ESRRB: variants seen among roughly 807,000 people sequenced by gnomAD.
ESRRB encodes steroid hormone receptor ERR2.
ESRRB carries 16 observed loss-of-function variants against 46.0 expected under a neutral mutation model. That is an observed-to-expected ratio of 0.35 (90% CI 0.24 to 0.53). ESRRB has a LOEUF of 0.53. ESRRB is among the 20% of genes least tolerant of loss of function. The probability of loss-of-function intolerance (pLI) is 0.93; values close to 1 mark genes in which losing one functional copy is unlikely to be tolerated. For synonymous variants in ESRRB, 246 were observed against 259.6 expected (o/e 0.95, Z 0.50); for missense variants, 488 against 607.4 (o/e 0.80, Z 2.07).
At chr14:76,351,871 G>A (rs909050406) in intron 1 of ESRRB, among the ~76,000 whole-genome samples, 3 of 151,712 alleles carry the variant, frequency 2.0e-5, no homozygotes, top group Non-Finnish European at 4.4e-5. Context: ...TGTAGTCACA[G>A]CTACTTGGGT....
chr14:76,422,815 G>A (rs984265286), intron 1 of ESRRB, among the ~76,000 whole-genome samples: 3 of 152,174 alleles, frequency 2.0e-5, no homozygotes, highest in Non-Finnish European at 2.9e-5. Context: ...CGACACAGGC[G>A]AGCTGGGCCC....
At chr14:76,494,342 T>A (rs898067108) in intron 6 of ESRRB, among the ~76,000 whole-genome samples, 1 of 151,310 alleles carries the variant, frequency 6.6e-6, no homozygotes, top group Non-Finnish European at 1.5e-5. Context: ...ATTTTGCTCT[T>A]GTTGCCCAGG....
rs1307579651 is a variant in ESRRB, at chr14:76,376,933, C to G, written c.50+482C>G. Among the ~76,000 whole-genome samples, 1 of 152,174 alleles carries G rather than the reference C, an allele frequency of 6.6e-6. No individual in the cohort carries two copies. Among genetic ancestry groups the G allele is most frequent in the Admixed American group, 6.5e-5 (1 of 15,276 alleles). Reference sequence around the variant, plus strand: ...GCAAGAGAGAGAAAATCGAACGTGCCGCGGCGGTTTGGAAACTGCAGGCGG... The same window carrying G: ...GCAAGAGAGAGAAAATCGAACGTGCGGCGGCGGTTTGGAAACTGCAGGCGG... On this transcript the variant is annotated intron_variant, in intron 1 of 6. Coordinates refer to ENST00000644823, the MANE Select transcript of ESRRB (RefSeq NM_001379180.1). The surrounding 1 kb of genome is among the most constrained non-coding windows in gnomAD (Gnocchi z 4.1).
intron 1 of ESRRB, among the ~76,000 whole-genome samples, chr14:76,405,249 A>G (rs1265459391): frequency 6.6e-6 from 1 of 151,970 alleles, no homozygotes; most frequent in African/African-American, 2.4e-5. Context: ...CTACAGGCAC[A>G]CACCACTGCA....
At chr14:76,479,255 G>A (rs1326924543) in intron 3 of ESRRB, among the ~76,000 whole-genome samples, 2 of 152,172 alleles carry the variant, frequency 1.3e-5, no homozygotes, top group African/African-American at 4.8e-5. Context: ...GCGTGCGTGT[G>A]TGTGTGTGTG....
chr14:76,481,865 A>C, intron 3 of ESRRB, 151 bp from the exon 4 acceptor site: 2 of 738,134 alleles, frequency 2.7e-6, no homozygotes, highest in Non-Finnish European at 4.9e-6. Context: ...TTGTCCAGCC[A>C]CCTGGCCTGA....
At chr14:76,394,529 G>C (rs1885595678) in intron 1 of ESRRB, among the ~76,000 whole-genome samples, 1 of 152,182 alleles carries the variant, frequency 6.6e-6, no homozygotes, top group Non-Finnish European at 1.5e-5. Flanking sequence ...GTGGGGGCTG[G>C]GAGGGAGCCT....
At chr14:76,451,591 G>A (rs1215579193) in intron 2 of ESRRB, among the ~76,000 whole-genome samples, 2 of 152,090 alleles carry the variant, frequency 1.3e-5, no homozygotes, top group East Asian at 3.9e-4. Context: ...CTAGGGGCTG[G>A]GAGCCCAGTG....
chr14:76,460,532 T>C (rs919553629), intron 2 of ESRRB, among the ~76,000 whole-genome samples: 2 of 152,136 alleles, frequency 1.3e-5, no homozygotes, highest in Non-Finnish European at 2.9e-5. Flanking sequence ...AGCCTCCAGC[T>C]CCTCCCTGCT....
intron 1 of ESRRB, among the ~76,000 whole-genome samples, chr14:76,333,128 T>TATAATA (rs1884069950): frequency 3.8e-4 from 2 of 5,328 alleles, no homozygotes; most frequent in African/African-American, 5.6e-4. Context: ...AATATATATA[T>TATAATA]TATATATTAT....
intron 1 of ESRRB, among the ~76,000 whole-genome samples, chr14:76,349,492 G>A (rs950343861): frequency 2.0e-5 from 3 of 152,192 alleles, no homozygotes; most frequent in East Asian, 3.9e-4. Flanking sequence ...AGAAGGTGTG[G>A]CCTCCTGCGA....
At chr14:76,371,725 G>C (rs1364491257), upstream of ESRRB, 2 of 152,260 alleles carry the variant, frequency 1.3e-5, no homozygotes, top group Non-Finnish European at 2.9e-5. Flanking sequence ...ACTGGATTTA[G>C]AGAGCATGTG....
In ESRRB at chr14:76,439,358, C is replaced by T; in HGVS notation, c.68C>T (p.Ser23Phe). The T allele has an allele frequency of 6.2e-7, 1 of 1,613,672 alleles. No individual in the cohort carries two copies. Among genetic ancestry groups the T allele is most frequent in the Non-Finnish European group, 8.5e-7 (1 of 1,180,034 alleles). The change falls in exon 2 of 7, where the codon TCC becomes TTC. Residue 23 changes from serine (S) to phenylalanine (F), a missense_variant. By Grantham distance (155) the Ser-to-Phe change is radical (BLOSUM62 -2). Transcript: ENST00000644823. Reference sequence around the variant, plus strand: ...GTCCACAGGCTGCTGAACAGGATGTCCTCGGACGACAGGCACCTGGGCTCC... The same window carrying T: ...GTCCACAGGCTGCTGAACAGGATGTTCTCGGACGACAGGCACCTGGGCTCC... ...GYHNQLLNRM[S>F]SDDRHLGSSC...
intron 1 of ESRRB, among the ~76,000 whole-genome samples, chr14:76,360,557 A>G (rs1884451019): frequency 6.6e-6 from 1 of 152,180 alleles, no homozygotes; most frequent in Non-Finnish European, 1.5e-5. Context: ...CCCTACCGCC[A>G]GTAGAACATG....
chr14:76,474,905 T>C (rs1385031904), intron 3 of ESRRB, among the ~76,000 whole-genome samples: 1 of 149,034 alleles, frequency 6.7e-6, no homozygotes, highest in East Asian at 2.0e-4. Context: ...CTGGGCAACA[T>C]AGTGAGATCC....
chr14:76,378,539 G>A lies in ESRRB; in HGVS notation c.50+2088G>A, dbSNP rs547579408. On this transcript the variant is annotated intron_variant, in intron 1 of 6. Transcript: ENST00000644823. ...TAGCTTGTCCCTCCATGGGGCACAG[G>A]AAAAGCCAAAAATATACCTGCTGTC... 6.6e-5 allele frequency among the ~76,000 whole-genome samples: 10 copies of A among 152,156 alleles called. No individual in the cohort carries two copies. The South Asian group carries it at 1.7e-3, about 25-fold the overall frequency.
intron 1 of ESRRB, among the ~76,000 whole-genome samples, chr14:76,350,206 G>A (rs903767666): frequency 2.0e-5 from 3 of 152,154 alleles, no homozygotes; most frequent in Non-Finnish European, 2.9e-5. Context: ...CATAAGCTGG[G>A]CTGGACAATC....
intron 1 of ESRRB, among the ~76,000 whole-genome samples, chr14:76,408,591 C>CAAAAAAAA (rs35955826): frequency 4.7e-5 from 2 of 42,150 alleles, no homozygotes; most frequent in African/African-American, 2.1e-4. Context: ...GACCCTGTCT[C>CAAAAAAAA]AAAAAAAAAA....
intron 1 of ESRRB, among the ~76,000 whole-genome samples, chr14:76,428,747 A>T (rs527444836): frequency 2.0e-5 from 3 of 152,048 alleles, no homozygotes; most frequent in Non-Finnish European, 4.4e-5. Context: ...CTCTCTTCTC[A>T]TTGTGATGCC....
Sources: gnomAD v4.1 joint callset for allele counts (sites outside exome capture counted in the v4.1 genomes callset) on GRCh38, gnomAD v4.1.1 for gene constraint, Gnocchi (gnomAD v3.1) non-coding constraint, MANE v1.5 for transcripts, NCBI Gene and HGNC (gene_info 2026-07-23, HGNC 2026-07-21) for gene names.